Variants in BTBD9 observed in about 807,000 individuals in gnomAD.
BTBD9 encodes the protein BTB domain containing 9.
A neutral mutation model predicts 64.3 loss-of-function variants in BTBD9; 49 were observed. The observed-to-expected ratio is 0.76, with a 90% confidence interval of 0.61 to 0.97. The LOEUF (loss-of-function observed/expected upper bound fraction) is 0.97. BTBD9 is among the 50% of genes least tolerant of loss of function. The pLI is 0.00. For synonymous variants in BTBD9, 260 were observed against 274.7 expected, an observed-to-expected ratio of 0.95 and a Z score of 0.53; for missense variants, 598 against 762.1, an observed-to-expected ratio of 0.78 and a Z score of 2.53.
chr6:38,392,817 A>G (rs528259595), intron 6 of BTBD9, among the ~76,000 whole-genome samples: 50 of 152,274 alleles, frequency 3.3e-4, no homozygotes, highest in African/African-American at 1.0e-3. Flanking sequence ...AAAGAAAAAT[A>G]TAACATAAGG....
chr6:38,412,371 C>T (rs997168899), intron 6 of BTBD9, among the ~76,000 whole-genome samples: 2 of 151,992 alleles, frequency 1.3e-5, no homozygotes, highest in South Asian at 2.1e-4. Flanking sequence ...TTCTCGATAA[C>T]AGAAATGAAA....
intron 6 of BTBD9, among the ~76,000 whole-genome samples, chr6:38,406,955 C>T (rs1285300019): frequency 1.3e-5 from 2 of 152,174 alleles, no homozygotes; most frequent in Non-Finnish European, 2.9e-5. Flanking sequence ...GCAGGATTCA[C>T]ATGGTAAGTA....
At chr6:38,570,157 T>C (rs1371311974) in intron 6 of BTBD9, among the ~76,000 whole-genome samples, 2 of 152,154 alleles carry the variant, frequency 1.3e-5, no homozygotes, top group African/African-American at 4.8e-5. Flanking sequence ...ATTATTAGTA[T>C]AATGTGTGTG....
chr6:38,497,995 T>C lies in BTBD9; in HGVS notation c.1154+79605A>G, dbSNP rs996493499. 5.3e-5 allele frequency among the ~76,000 whole-genome samples: 8 copies of C among 152,230 alleles called. No homozygotes were observed. The South Asian group carries it at 8.3e-4, about 16-fold the overall frequency. On this transcript the variant is annotated intron_variant, in intron 6 of 10. Coordinates refer to ENST00000481247, the MANE Select transcript of BTBD9 (RefSeq NM_001099272.2). ...CTGAAAAATGGATTTAAGGCTGAGA[T>C]GCCCCTTGGTCTCAATACTGTTATG...
At chr6:38,277,230 C>T (rs932099242) in intron 8 of BTBD9, among the ~76,000 whole-genome samples, 3 of 151,956 alleles carry the variant, frequency 2.0e-5, no homozygotes, top group African/African-American at 7.3e-5. Flanking sequence ...AAGTTTTTTT[C>T]AAGAAGTAAG....
At chr6:38,408,204 A>G (rs905981959) in intron 6 of BTBD9, among the ~76,000 whole-genome samples, 10 of 152,068 alleles carry the variant, frequency 6.6e-5, no homozygotes, top group African/African-American at 2.4e-4. Context: ...AAGAAAATAG[A>G]AAAATTAGTT....
chr6:38,624,416 G>A (rs191847393), intron 1 of BTBD9, among the ~76,000 whole-genome samples: 3 of 152,142 alleles, frequency 2.0e-5, no homozygotes, highest in African/African-American at 7.2e-5. Flanking sequence ...CACTCACGGC[G>A]AAGGTCCGCG....
In BTBD9 at chr6:38,446,129, A is replaced by G. The variant is rs1184097467; in HGVS notation, c.1155-101036T>C. Among the ~76,000 whole-genome samples, 6 of 152,306 alleles carry G rather than the reference A, an allele frequency of 3.9e-5. No homozygotes were observed. In the East Asian group the frequency reaches 5.8e-4, roughly 15 times the overall value. On this transcript the variant is annotated intron_variant, in intron 6 of 10. Coordinates refer to ENST00000481247, the MANE Select transcript of BTBD9 (RefSeq NM_001099272.2). ...CACGTGAGTAGTGAGGGCTCCACTC[A>G]CATGGCTCAGATAACTGCAGACTTG...
intron 8 of BTBD9, among the ~76,000 whole-genome samples, chr6:38,268,168 GAGTCTCAC>G (rs1440634384): frequency 5.3e-5 from 8 of 152,282 alleles, no homozygotes; most frequent in African/African-American, 1.9e-4. Context: ...CCATTTTGGA[GAGTCTCAC>G]ATAAGTGATA....
chr6:38,462,801 T>C (rs770808280), intron 6 of BTBD9, among the ~76,000 whole-genome samples: 65 of 152,144 alleles, frequency 4.3e-4, no homozygotes, highest in Admixed American at 1.6e-3. Flanking sequence ...AAGCTTTTTT[T>C]GTTTTGTTTT....
At chr6:38,401,943 A>C (rs147939939) in intron 6 of BTBD9, among the ~76,000 whole-genome samples, 20 of 152,350 alleles carry the variant, frequency 1.3e-4, no homozygotes, top group African/African-American at 4.3e-4. Flanking sequence ...GAAGACTACA[A>C]GTGGCTTTCT....
intron 6 of BTBD9, among the ~76,000 whole-genome samples, chr6:38,544,272 T>C (rs559579600): frequency 6.6e-6 from 1 of 152,280 alleles, no homozygotes; most frequent in East Asian, 1.9e-4. Flanking sequence ...TACCATTTTA[T>C]ATAACAGACT....
intron 6 of BTBD9, among the ~76,000 whole-genome samples, chr6:38,523,077 G>A (rs1582571837): frequency 6.6e-6 from 1 of 152,314 alleles, no homozygotes; most frequent in East Asian, 1.9e-4. Flanking sequence ...CAGCTACTCA[G>A]GAGGCTGAGG....
intron 8 of BTBD9, among the ~76,000 whole-genome samples, chr6:38,273,178 T>C (rs1176164273): frequency 5.3e-5 from 8 of 152,230 alleles, no homozygotes; most frequent in Admixed American, 5.2e-4. Flanking sequence ...TGTCCCTTTG[T>C]CAACATCCAA....
chr6:38,345,713 G>A (rs1764253645), intron 6 of BTBD9, among the ~76,000 whole-genome samples: 2 of 152,238 alleles, frequency 1.3e-5, no homozygotes, highest in African/African-American at 2.4e-5. Flanking sequence ...GAAGCGATCT[G>A]TAGAGATGGC....
At chr6:38,552,723 T>C (rs1774863690) in intron 6 of BTBD9, among the ~76,000 whole-genome samples, 1 of 146,616 alleles carries the variant, frequency 6.8e-6, no homozygotes, top group South Asian at 2.1e-4. Flanking sequence ...GCCAAGGTCA[T>C]GCCACTGCAC....
intron 1 of BTBD9, among the ~76,000 whole-genome samples, chr6:38,620,139 T>G (rs1319900986): frequency 1.3e-5 from 2 of 152,278 alleles, no homozygotes; most frequent in South Asian, 4.2e-4. Context: ...GTTCAAGGGT[T>G]AGTAAGAAAA....
At chr6:38,583,724 T>C (rs2127480036) in intron 4 of BTBD9, among the ~76,000 whole-genome samples, 1 of 152,356 alleles carries the variant, frequency 6.6e-6, no homozygotes, top group Middle Eastern at 3.4e-3. Flanking sequence ...TTGAAGTTTA[T>C]TTCAAGGGTA....
chr6:38,455,178 C>G (rs895259226), intron 6 of BTBD9, among the ~76,000 whole-genome samples: 1 of 152,150 alleles, frequency 6.6e-6, no homozygotes, highest in Non-Finnish European at 1.5e-5. Flanking sequence ...GTGTACTGTT[C>G]TATGAGTTTA....
Sources: allele counts gnomAD v4.1 joint callset (sites outside exome capture counted in the v4.1 genomes callset), GRCh38; gene constraint gnomAD v4.1.1; transcripts MANE v1.5; gene names NCBI Gene and HGNC (gene_info 2026-07-23, HGNC 2026-07-21).